UBR7: variants seen among roughly 807,000 people sequenced by gnomAD.
UBR7 encodes the protein putative E3 ubiquitin-protein ligase UBR7.
UBR7 carries 22 observed loss-of-function variants against 57.0 expected under a neutral mutation model. The ratio of observed to expected loss-of-function variants is 0.39; its 90% CI spans 0.28 to 0.55. UBR7 has a LOEUF of 0.55. Ranked by LOEUF, UBR7 falls within the 20% of genes least tolerant of loss-of-function variation. The probability of loss-of-function intolerance (pLI) is 0.69; values close to 1 mark genes in which losing one functional copy is unlikely to be tolerated. For synonymous variants in UBR7, 167 were observed against 179.8 expected (o/e 0.93, Z 0.57); for missense variants, 395 against 513.2 (o/e 0.77, Z 2.23).
chr14:93,211,268 CG>C (rs998624790), intron 3 of UBR7, among the ~76,000 whole-genome samples: 2 of 150,982 alleles, frequency 1.3e-5, no homozygotes, highest in African/African-American at 4.9e-5. Context: ...ATAAATAGGC[CG>C]GGCACGGTGG....
At chr14:93,224,742 T>G (rs1182260276) in intron 10 of UBR7, among the ~76,000 whole-genome samples, 1 of 152,204 alleles carries the variant, frequency 6.6e-6, no homozygotes, top group Non-Finnish European at 1.5e-5. Context: ...ATCCTCTGGT[T>G]AATACAGACT....
chr14:93,213,079 A>C (rs1894517944), intron 4 of UBR7, among the ~76,000 whole-genome samples: 1 of 152,138 alleles, frequency 6.6e-6, no homozygotes, highest in African/African-American at 2.4e-5. Context: ...CAGAGGTTGC[A>C]GTAAGCTGGG....
At position 93,215,248 on chromosome 14, in the gene UBR7, T is replaced by C. The variant is rs1894567379; in HGVS notation, c.568T>C (p.Ser190Pro). 6.3e-7 allele frequency: 1 copy of C among 1,587,214 alleles called. No individual in the cohort carries two copies. Among genetic ancestry groups the C allele is most frequent in the Non-Finnish European group, 8.6e-7 (1 of 1,165,842 alleles). Reference sequence around the variant, plus strand: ...ATGCCAGGCCTGCATGAAACGTTGTTCTTTTTTGTGGGCTTATGCTGCACA... The same window carrying C: ...ATGCCAGGCCTGCATGAAACGTTGTCCTTTTTTGTGGGCTTATGCTGCACA... Reference protein sequence around the residue: ...MVCQACMKRCSFLWAYAAQLA... With the variant: ...MVCQACMKRCPFLWAYAAQLA... The change falls in exon 6 of 11, where the codon TCT becomes CCT. Residue 190 changes from serine (S) to proline (P), a missense_variant. Ser to Pro is a moderately conservative substitution (Grantham distance 74). Coordinates refer to ENST00000013070, the MANE Select transcript of UBR7 (RefSeq NM_175748.4).
At chr14:93,223,585 G>A (rs987224596) in intron 10 of UBR7, 43 of 928,094 alleles carry the variant, frequency 4.6e-5, no homozygotes, top group South Asian at 4.5e-4. Context: ...ACACCCGGGC[G>A]AGGGCCCTGC....
At position 93,212,092 on chromosome 14, in the gene UBR7, A is replaced by G. The variant is rs145348711; in HGVS notation, c.406A>G (p.Ile136Val). ...YNDNFFGLYC[I>V]CKRPYPDPED... Reference sequence around the variant, plus strand: ...TGACAACTTTTTTGGATTGTACTGCATTTGCAAGAGACCTTATCCTGATCC... The same window carrying G: ...TGACAACTTTTTTGGATTGTACTGCGTTTGCAAGAGACCTTATCCTGATCC... Residue 136 changes from isoleucine (I) to valine (V), a missense_variant, in exon 4 of 11, where the codon ATT becomes GTT. Coordinates refer to ENST00000013070, the MANE Select transcript of UBR7 (RefSeq NM_175748.4). 1 of 1,613,114 alleles carries G rather than the reference A, an allele frequency of 6.2e-7. No individual in the cohort carries two copies. Among genetic ancestry groups the G allele is most frequent in the African/African-American group, 1.3e-5 (1 of 74,922 alleles).
intron 10 of UBR7, among the ~76,000 whole-genome samples, chr14:93,224,372 CTTTTTTTTT>C (rs761189322): frequency 3.2e-5 from 3 of 93,790 alleles, no homozygotes; most frequent in African/African-American, 5.1e-5. Context: ...CCTTACAGTT[CTTTTTTTTT>C]TTTTTTTTTT....
intron 3 of UBR7, among the ~76,000 whole-genome samples, chr14:93,211,228 A>C (rs1159091383): frequency 6.6e-6 from 1 of 150,826 alleles, no homozygotes; most frequent in Non-Finnish European, 1.5e-5. Context: ...ACAGAGCAAG[A>C]CTCCATCTCA....
At chr14:93,224,074 G>A in intron 10 of UBR7, 1 of 1,031,212 alleles carries the variant, frequency 9.7e-7, no homozygotes, top group South Asian at 1.3e-5. Context: ...GCGGTGTGTG[G>A]CATTTGGGGG....
Position 93,227,858 on chromosome 14 carries a change from A to AC in UBR7, c.*827dup. 1.4e-6 allele frequency: 1 copy of AC among 700,150 alleles called. No homozygotes were observed. The highest frequency in any genetic ancestry group is 2.6e-6 in the Non-Finnish European group (1 of 384,562). The allele number at this position is 700,150 out of a possible 1,614,324, so 43.4% of individuals were successfully genotyped here. A position where few individuals can be genotyped will look rare whatever the true frequency, so the allele number is the denominator to read the frequency against. ...CTGCCTAGAAAACAGACCGGGTCTC[A>AC]CCCCTGTGAAATCTTGGTGGTTTAC... On this transcript the variant is annotated 3_prime_UTR_variant, in exon 11 of 11. Transcript: ENST00000013070.
Position 93,229,168 on chromosome 14 carries a change from A to AACTC in UBR7, c.*2134_*2137dup, listed in dbSNP as rs769725540. 42 of 335,018 alleles carry AACTC rather than the reference A, an allele frequency of 1.3e-4. No individual in the cohort carries two copies. The highest frequency in any genetic ancestry group is 1.5e-4 in the Non-Finnish European group (26 of 171,970). The allele number at this position is 335,018 out of a possible 1,614,324, so 20.8% of individuals were successfully genotyped here. On this transcript the variant is annotated 3_prime_UTR_variant, in exon 11 of 11. Coordinates refer to ENST00000013070, the MANE Select transcript of UBR7 (RefSeq NM_175748.4). The stretch of plus-strand genomic sequence containing the variant: ...TTACTGGACTTATAATTACATACTT[A>AACTC]ACTCTGATCAGGTTTCTGTAAAATT...
chr14:93,219,711 C>T (rs762907599), intron 8 of UBR7, among the ~76,000 whole-genome samples: 9 of 152,186 alleles, frequency 5.9e-5, no homozygotes, highest in African/African-American at 1.7e-4. Flanking sequence ...CTTTGGCTCA[C>T]GCCTGTAATC....
chr14:93,220,294 G>C lies in UBR7; in HGVS notation c.1006G>C (p.Asp336His). 6.2e-7 allele frequency: 1 copy of C among 1,604,594 alleles called. No individual in the cohort carries two copies. Among genetic ancestry groups the C allele is most frequent in the Non-Finnish European group, 8.5e-7 (1 of 1,178,714 alleles). ...TGTCTTATTCCTGACAGATGAATAC[G>C]ACACAGTTCTGGCTTATGAAAACAA... ...LDVLFLTDEY[D>H]TVLAYENKGK... Residue 336 changes from aspartate (D) to histidine (H), a missense_variant, in exon 9 of 11, where the codon GAC becomes CAC. Transcript: ENST00000013070.
In UBR7 at chr14:93,228,671, C is replaced by G. The variant is rs1486509196; in HGVS notation, c.*1636C>G. 1 of 453,920 alleles carries G rather than the reference C, an allele frequency of 2.2e-6. No homozygotes were observed. The highest frequency in any genetic ancestry group is 4.4e-6 in the Non-Finnish European group (1 of 226,794). The allele number at this position is 453,920 out of a possible 1,614,324, so 28.1% of individuals were successfully genotyped here. A position where few individuals can be genotyped will look rare whatever the true frequency, so the allele number is the denominator to read the frequency against. ...GTGCAGAGGGCTCCGTTCAAAGGCT[C>G]GGGGTGTCTTTGAGGTTGTTTATCA... is the stretch of plus-strand genomic sequence containing the variant. On this transcript the variant is annotated 3_prime_UTR_variant, in exon 11 of 11. Coordinates refer to ENST00000013070, the MANE Select transcript of UBR7 (RefSeq NM_175748.4).
intron 6 of UBR7, among the ~76,000 whole-genome samples, chr14:93,218,156 T>C (rs907404348): frequency 6.6e-6 from 1 of 151,358 alleles, no homozygotes; most frequent in Non-Finnish European, 1.5e-5. Flanking sequence ...ACACCTGTAA[T>C]CCCAGCACTT....
intron 10 of UBR7, chr14:93,224,117 C>A: frequency 1.2e-6 from 1 of 800,148 alleles, no homozygotes; most frequent in South Asian, 1.4e-5. Flanking sequence ...CTTGTACTCT[C>A]ATAGTGTGCC....
intron 9 of UBR7, among the ~76,000 whole-genome samples, chr14:93,221,060 C>G (rs1427801156): frequency 6.6e-6 from 1 of 151,906 alleles, no homozygotes; most frequent in Non-Finnish European, 1.5e-5. Context: ...ATTCTCCTGC[C>G]TCAGTCTCTC....
chr14:93,219,096 C>A, intron 7 of UBR7, 116 bp from the exon 8 acceptor site: 2 of 1,229,366 alleles, frequency 1.6e-6, no homozygotes, highest in Non-Finnish European at 2.3e-6. Context: ...ATTCTGTAAA[C>A]TTATGGCTTT....
chr14:93,213,304 TC>T (rs1338878815), intron 4 of UBR7, among the ~76,000 whole-genome samples: 1 of 151,894 alleles, frequency 6.6e-6, no homozygotes, highest in African/African-American at 2.4e-5. Context: ...AAGAATAGTA[TC>T]TTTTTTTTCA....
At chr14:93,223,278 C>A (rs189201760) in intron 10 of UBR7, among the ~76,000 whole-genome samples, 5 of 151,898 alleles carry the variant, frequency 3.3e-5, no homozygotes, top group Admixed American at 1.3e-4. Context: ...TGCCTGTAAT[C>A]CCAGCTACTC....
Sources: allele counts gnomAD v4.1 joint callset (sites outside exome capture counted in the v4.1 genomes callset), GRCh38; gene constraint gnomAD v4.1.1; transcripts MANE v1.5; gene names NCBI Gene and HGNC (gene_info 2026-07-23, HGNC 2026-07-21).